The following IL1RAPL2 variants were observed in gnomAD, a reference collection of about 807,000 sequenced individuals.
The protein encoded by IL1RAPL2 is X-linked interleukin-1 receptor accessory protein-like 2.
IL1RAPL2 carries 3 observed loss-of-function variants against 44.1 expected under a neutral mutation model. That is an observed-to-expected ratio of 0.07 (90% CI 0.03 to 0.18). The LOEUF (loss-of-function observed/expected upper bound fraction) is 0.18. Ranked by LOEUF, IL1RAPL2 falls within the 10% of genes least tolerant of loss-of-function variation. The pLI, the probability that IL1RAPL2 is intolerant of heterozygous loss-of-function variation, is 1.00. For missense variants in IL1RAPL2, 391 were observed against 496.4 expected (o/e 0.79, Z 2.02); for synonymous variants, 181 against 178.8 (o/e 1.01, Z -0.10).
At chrX:105,379,754 T>C (rs2035415836) in intron 5 of IL1RAPL2, among the ~76,000 whole-genome samples, 1 of 111,652 alleles carries the variant, frequency 9.0e-6, no homozygotes, top group Non-Finnish European at 1.9e-5. Flanking sequence ...AAGATTAAAA[T>C]AAGATTGTGT....
intron 2 of IL1RAPL2, among the ~76,000 whole-genome samples, chrX:104,908,097 T>A (rs1342530182): frequency 2.0e-4 from 22 of 110,666 alleles, no homozygotes; most frequent in African/African-American, 6.6e-4. Flanking sequence ...TGGTTTAAAG[T>A]CTGTTTTATC....
At chrX:104,881,581 A>T (rs1923072884) in intron 2 of IL1RAPL2, among the ~76,000 whole-genome samples, 1 of 112,346 alleles carries the variant, frequency 8.9e-6, no homozygotes, top group East Asian at 2.8e-4. Flanking sequence ...GCAGGTGCCA[A>T]TCAGGCAATT....
chrX:105,355,556 A>G (rs2035195532), intron 5 of IL1RAPL2, among the ~76,000 whole-genome samples: 1 of 111,624 alleles, frequency 9.0e-6, no homozygotes, highest in Non-Finnish European at 1.9e-5. Flanking sequence ...TTTCCTTTCT[A>G]ACTAGACTAT....
chrX:104,994,038 A>G (rs2030708478), intron 2 of IL1RAPL2, among the ~76,000 whole-genome samples: 1 of 112,094 alleles, frequency 8.9e-6, no homozygotes, highest in Non-Finnish European at 1.9e-5. Context: ...CCACTTCTAC[A>G]TAATTACCAA....
chrX:105,712,333 A>AG (rs2038217803), intron 6 of IL1RAPL2, among the ~76,000 whole-genome samples: 1 of 111,576 alleles, frequency 9.0e-6, no homozygotes, highest in Non-Finnish European at 1.9e-5. Context: ...TGGGTGGCTG[A>AG]GGGGTGCTAC....
At chrX:104,699,340 G>C (rs906440257) in intron 2 of IL1RAPL2, among the ~76,000 whole-genome samples, 2 of 111,590 alleles carry the variant, frequency 1.8e-5, no homozygotes, top group African/African-American at 6.5e-5. Context: ...TCCCATCTGG[G>C]GGTGATGGAG....
intron 2 of IL1RAPL2, among the ~76,000 whole-genome samples, chrX:105,041,755 G>C (rs1402140439): frequency 1.8e-5 from 2 of 108,437 alleles, no homozygotes; most frequent in African/African-American, 6.8e-5. Context: ...CCAAAAAAGA[G>C]CCCGCATCGC....
intron 6 of IL1RAPL2, among the ~76,000 whole-genome samples, chrX:105,512,002 G>C (rs2036473377): frequency 9.0e-6 from 1 of 110,784 alleles, no homozygotes; most frequent in South Asian, 3.8e-4. Context: ...AAAATACTTT[G>C]TGTGATACGA....
chrX:105,527,592 C>G (rs1347371248), intron 6 of IL1RAPL2, among the ~76,000 whole-genome samples: 2 of 110,393 alleles, frequency 1.8e-5, no homozygotes, highest in Non-Finnish European at 3.8e-5. Context: ...GAGTCTTGCC[C>G]CATGCTATGA....
chrX:104,976,901 C>CAA (rs113514364), intron 2 of IL1RAPL2, among the ~76,000 whole-genome samples: 1,034 of 97,240 alleles, frequency 0.011, 12 homozygotes, highest in African/African-American at 0.025. Context: ...GAGCCAAAGC[C>CAA]AAAAAAAAAA....
At chrX:105,214,428 A>G (rs2033835202) in intron 3 of IL1RAPL2, among the ~76,000 whole-genome samples, 1 of 109,981 alleles carries the variant, frequency 9.1e-6, no homozygotes, top group African/African-American at 3.3e-5. Flanking sequence ...AGAGCTAACT[A>G]TCCTAAATAT....
chrX:105,417,834 C>T (rs1279683300), intron 5 of IL1RAPL2, among the ~76,000 whole-genome samples: 2 of 111,941 alleles, frequency 1.8e-5, no homozygotes, highest in African/African-American at 6.5e-5. Flanking sequence ...TCCTCTACTT[C>T]CCAATGTACC....
intron 1 of IL1RAPL2, among the ~76,000 whole-genome samples, chrX:104,639,226 G>C (rs1368739247): frequency 9.0e-6 from 1 of 111,421 alleles, no homozygotes; most frequent in Non-Finnish European, 1.9e-5. Flanking sequence ...TAGCAGGCAT[G>C]ACATAAGTTA....
chrX:105,767,359 A>G lies in IL1RAPL2; in HGVS notation c.1759A>G (p.Ile587Val), dbSNP rs2038740926. Residue 587 changes from isoleucine (I) to valine (V), a missense_variant, in exon 11 of 11, where the codon ATT (isoleucine) becomes GTT (valine). Coordinates refer to ENST00000372582, the MANE Select transcript of IL1RAPL2 (RefSeq NM_017416.2). ...LFGELQPIPS[I>V]AMTSTSATLV... ...TGGAGAACTCCAGCCTATACCCTCT[A>G]TTGCCATGACCAGTACTTCAGCCAC... is the stretch of plus-strand genomic sequence containing the variant. 1 of 1,210,021 alleles carries G rather than the reference A, an allele frequency of 8.3e-7. No homozygotes were observed. The highest frequency in any genetic ancestry group is 1.7e-5 in the African/African-American group (1 of 57,186).
chrX:105,483,799 A>G (rs1271231467), intron 5 of IL1RAPL2, among the ~76,000 whole-genome samples: 2 of 111,312 alleles, frequency 1.8e-5, no homozygotes, highest in East Asian at 5.7e-4. Context: ...GGAGTACAAA[A>G]GATGCTTAAT....
At chrX:104,724,041 G>T (rs374347870) in intron 2 of IL1RAPL2, among the ~76,000 whole-genome samples, 1 of 111,537 alleles carries the variant, frequency 9.0e-6, no homozygotes, top group Non-Finnish European at 1.9e-5. Flanking sequence ...GGAGATAATT[G>T]AAAATTAATG....
intron 2 of IL1RAPL2, among the ~76,000 whole-genome samples, chrX:104,748,178 G>A (rs1159078598): frequency 9.0e-6 from 1 of 111,364 alleles, no homozygotes; most frequent in Non-Finnish European, 1.9e-5. Context: ...GTACATGTTA[G>A]GGAGGAAATT....
At chrX:105,391,718 C>T (rs1569433836) in intron 5 of IL1RAPL2, among the ~76,000 whole-genome samples, 1 of 76,438 alleles carries the variant, frequency 1.3e-5, no homozygotes, top group Non-Finnish European at 2.4e-5. Flanking sequence ...CGGCACTATT[C>T]ACAATAGCAA....
At chrX:105,587,409 T>A (rs1159830046) in intron 6 of IL1RAPL2, among the ~76,000 whole-genome samples, 1 of 111,662 alleles carries the variant, frequency 9.0e-6, no homozygotes, top group African/African-American at 3.2e-5. Context: ...ATTTGCTTTC[T>A]TTGAGCCTTT....
Sources: gnomAD v4.1 joint callset for allele counts (sites outside exome capture counted in the v4.1 genomes callset) on GRCh38, gnomAD v4.1.1 for gene constraint, MANE v1.5 for transcripts, NCBI Gene and HGNC (gene_info 2026-07-23, HGNC 2026-07-21) for gene names.